GALNT18: variants seen among roughly 807,000 people sequenced by gnomAD.
GALNT18 encodes GalNAc-transferase 18.
A neutral mutation model predicts 69.5 loss-of-function variants in GALNT18; 44 were observed. That is an observed-to-expected ratio of 0.63 (90% CI 0.50 to 0.81). The LOEUF (loss-of-function observed/expected upper bound fraction) is 0.81, where lower values mean the gene tolerates loss of function less well. Ranked by LOEUF, GALNT18 falls within the 40% of genes least tolerant of loss-of-function variation. GALNT18 has a pLI of 0.00. For synonymous variants in GALNT18, 364 were observed against 318.2 expected (o/e 1.14, Z -1.53); for missense variants, 715 against 810.0 (o/e 0.88, Z 1.42).
chr11:11,519,957 G>A (rs1240263865), intron 1 of GALNT18, among the ~76,000 whole-genome samples: 1 of 152,204 alleles, frequency 6.6e-6, no homozygotes, highest in African/African-American at 2.4e-5. Flanking sequence ...GAGCGACACT[G>A]GATCAGGTCT....
chr11:11,521,149 C>G (rs1857389885), intron 1 of GALNT18, among the ~76,000 whole-genome samples: 1 of 151,734 alleles, frequency 6.6e-6, no homozygotes, highest in Non-Finnish European at 1.5e-5. Flanking sequence ...CAAGGCCCAC[C>G]ACCTCCTGGC....
intron 10 of GALNT18, among the ~76,000 whole-genome samples, chr11:11,292,682 G>GC (rs1349852586): frequency 2.6e-5 from 4 of 152,116 alleles, no homozygotes; most frequent in African/African-American, 9.7e-5. Flanking sequence ...TCCCAGCCCT[G>GC]CCCCAGCTGT....
intron 8 of GALNT18, among the ~76,000 whole-genome samples, chr11:11,330,546 G>A (rs1229301573): frequency 6.6e-6 from 1 of 152,188 alleles, no homozygotes; most frequent in African/African-American, 2.4e-5. Flanking sequence ...GCTGATGAAT[G>A]TGTAGGGGGT....
intron 1 of GALNT18, among the ~76,000 whole-genome samples, chr11:11,611,859 T>C (rs1443893111): frequency 1.3e-5 from 2 of 152,204 alleles, no homozygotes; most frequent in African/African-American, 4.8e-5. Context: ...CACAGCTTTG[T>C]GGTGGCTGCT....
At chr11:11,405,117 A>G (rs138887613) in intron 3 of GALNT18, among the ~76,000 whole-genome samples, 76 of 152,272 alleles carry the variant, frequency 5.0e-4, no homozygotes, top group African/African-American at 1.8e-3. Context: ...CGGCCGTGGC[A>G]ACCTGAGTCA....
At chr11:11,489,931 G>A (rs1856726767) in intron 1 of GALNT18, among the ~76,000 whole-genome samples, 1 of 152,100 alleles carries the variant, frequency 6.6e-6, no homozygotes, top group South Asian at 2.1e-4. Flanking sequence ...AGCCTCAGGG[G>A]TCTGACCACT....
chr11:11,350,387 A>C (rs1850377974), intron 6 of GALNT18, among the ~76,000 whole-genome samples: 1 of 152,212 alleles, frequency 6.6e-6, no homozygotes, highest in Admixed American at 6.5e-5. Flanking sequence ...AGTTATCTTT[A>C]ATGGTTCTGA....
chr11:11,485,555 T>C (rs1338065786), intron 1 of GALNT18, among the ~76,000 whole-genome samples: 12 of 152,158 alleles, frequency 7.9e-5, no homozygotes, highest in Non-Finnish European at 1.8e-4. Flanking sequence ...TTTCATAATA[T>C]CACAATGGCC....
At chr11:11,529,644 C>T (rs978241214) in intron 1 of GALNT18, among the ~76,000 whole-genome samples, 2 of 152,004 alleles carry the variant, frequency 1.3e-5, no homozygotes, top group African/African-American at 2.4e-5. Flanking sequence ...TATATACACA[C>T]ACACACACAC....
chr11:11,496,705 T>C lies in GALNT18; in HGVS notation c.236-47769A>G, dbSNP rs1292613655. On this transcript the variant is annotated intron_variant, in intron 1 of 10. Coordinates refer to ENST00000227756, the MANE Select transcript of GALNT18 (RefSeq NM_198516.3). This position sits in a 1 kb window ranked among gnomAD's most constrained non-coding sequence, Gnocchi z 4.0. ...TGATGGGAAACACTGAGCCTCGGTT[T>C]CCTTGTGAGGATCCCCCACTACTCT... is the stretch of plus-strand genomic sequence containing the variant. Among the ~76,000 whole-genome samples the C allele has an allele frequency of 6.6e-6, 1 of 151,012 alleles. No homozygotes were observed. Among genetic ancestry groups the C allele is most frequent in the African/African-American group, 2.4e-5 (1 of 41,296 alleles).
chr11:11,430,086 G>C lies in GALNT18; in HGVS notation c.595+2535C>G, dbSNP rs996522838. Among the ~76,000 whole-genome samples, 1 of 152,004 alleles carries C rather than the reference G, an allele frequency of 6.6e-6. No homozygotes were observed. The highest frequency in any genetic ancestry group is 1.5e-5 in the Non-Finnish European group (1 of 68,014). The stretch of plus-strand genomic sequence containing the variant: ...GCCTGGGAGCCTGGGAGCTGTGATC[G>C]TGCCACTGCATTCCAGCCTGGGCAA... On this transcript the variant is annotated intron_variant, in intron 3 of 10. Transcript: ENST00000227756. This position sits in a 1 kb window ranked among gnomAD's most constrained non-coding sequence, Gnocchi z 4.9.
intron 1 of GALNT18, among the ~76,000 whole-genome samples, chr11:11,554,066 A>G (rs970692074): frequency 2.6e-5 from 4 of 152,112 alleles, no homozygotes; most frequent in African/African-American, 9.7e-5. Context: ...AAGGGGAATC[A>G]ATCTTCTGTT....
chr11:11,430,033 G>A lies in GALNT18; in HGVS notation c.595+2588C>T, dbSNP rs188977668. 2.4e-4 allele frequency among the ~76,000 whole-genome samples: 37 copies of A among 152,124 alleles called. No individual in the cohort carries two copies. In the East Asian group the frequency reaches 6.2e-3, roughly 25 times the overall value. On this transcript the variant is annotated intron_variant, in intron 3 of 10. Transcript: ENST00000227756. This position sits in a 1 kb window ranked among gnomAD's most constrained non-coding sequence, Gnocchi z 4.9. ...GATGCACCTGTCGTCCCAGCTACTC[G>A]GGAGGCTAAGATGGGAGGATTGCTT...
rs1391664222 is a variant in GALNT18 at position 11,377,216 on chromosome 11, A to G, written c.943T>C (p.Trp315Arg). 6.2e-7 allele frequency: 1 copy of G among 1,613,536 alleles called. No individual in the cohort carries two copies. The highest frequency in any genetic ancestry group is 1.1e-5 in the South Asian group (1 of 91,028). ...GCTGTGGAGTTCTCCAGCTTCCACC[A>G]GGCCTTGGGGGGATTTAGGTAGCGG... ...WCRYLNPPKA[W>R]WKLENSTAPI... Residue 315 changes from tryptophan (W) to arginine (R), a missense_variant, in exon 5 of 11, where the codon TGG becomes CGG. Physicochemically the swap from Trp to Arg is moderately radical, Grantham distance 101. Coordinates refer to ENST00000227756, the MANE Select transcript of GALNT18 (RefSeq NM_198516.3). The surrounding 1 kb of genome is among the most constrained non-coding windows in gnomAD (Gnocchi z 4.6).
chr11:11,501,529 C>G (rs1856972007), intron 1 of GALNT18, among the ~76,000 whole-genome samples: 3 of 152,164 alleles, frequency 2.0e-5, no homozygotes, highest in African/African-American at 7.2e-5. Context: ...CGTGAGCAAA[C>G]TATTCCAAGA....
At chr11:11,281,680 C>T (rs1290124364) in intron 10 of GALNT18, among the ~76,000 whole-genome samples, 2 of 152,150 alleles carry the variant, frequency 1.3e-5, no homozygotes, top group South Asian at 2.1e-4. Flanking sequence ...AAGCATCCTT[C>T]AGAGACTCCC....
chr11:11,319,988 A>G (rs1449530039), intron 9 of GALNT18, among the ~76,000 whole-genome samples: 1 of 152,106 alleles, frequency 6.6e-6, no homozygotes, highest in Non-Finnish European at 1.5e-5. Flanking sequence ...CAACTCCACA[A>G]AGTTAGTACT....
intron 1 of GALNT18, among the ~76,000 whole-genome samples, chr11:11,451,600 G>A (rs1209799263): frequency 6.6e-6 from 1 of 152,180 alleles, no homozygotes; most frequent in East Asian, 1.9e-4. Flanking sequence ...GTCAAGCACT[G>A]CGATAGGTCA....
At chr11:11,561,558 CAG>C (rs1208571894) in intron 1 of GALNT18, among the ~76,000 whole-genome samples, 3 of 152,184 alleles carry the variant, frequency 2.0e-5, no homozygotes, top group Non-Finnish European at 4.4e-5. Context: ...AAATGCCTAG[CAG>C]AGTCAGCTAA....
Sources: gnomAD v4.1 joint callset for allele counts (sites outside exome capture counted in the v4.1 genomes callset) on GRCh38, gnomAD v4.1.1 for gene constraint, Gnocchi (gnomAD v3.1) non-coding constraint, MANE v1.5 for transcripts, NCBI Gene and HGNC (gene_info 2026-07-23, HGNC 2026-07-21) for gene names.